Variants in GNPAT observed in about 807,000 individuals in gnomAD.
GNPAT encodes glyceronephosphate O-acyltransferase, also known as dihydroxyacetone phosphate acyltransferase.
GNPAT carries 30 observed loss-of-function variants against 78.4 expected under a neutral mutation model. The observed-to-expected ratio is 0.38, with a 90% CI of 0.29 to 0.52. The LOEUF (loss-of-function observed/expected upper bound fraction) is 0.52. GNPAT is among the 20% of genes least tolerant of loss of function. The pLI is 0.84. For synonymous variants in GNPAT, 271 were observed against 281.1 expected (o/e 0.96, Z 0.36); for missense variants, 714 against 812.2 (o/e 0.88, Z 1.47).
intron 15 of GNPAT, 111 bp from the exon 16 acceptor site, chr1:231,277,388 G>A: frequency 1.3e-6 from 1 of 773,564 alleles, no homozygotes; most frequent in Non-Finnish European, 2.4e-6. Context: ...AGCCTGTGAA[G>A]CTCTGCACAA....
chr1:231,267,095 G>A (rs1685409685), intron 8 of GNPAT, among the ~76,000 whole-genome samples: 1 of 152,152 alleles, frequency 6.6e-6, no homozygotes, highest in African/African-American at 2.4e-5. Flanking sequence ...GGTTTGGCTG[G>A]CTATTACCTA....
intron 1 of GNPAT, among the ~76,000 whole-genome samples, chr1:231,248,927 G>A (rs1684820441): frequency 6.6e-6 from 1 of 152,156 alleles, no homozygotes; most frequent in East Asian, 1.9e-4. Flanking sequence ...CTGAGTTTGT[G>A]TAAACACACT....
In GNPAT at chr1:231,266,340, G is replaced by T. The variant is rs201563848; in HGVS notation, c.988G>T (p.Asp330Tyr). 103 of 1,613,872 alleles carry T rather than the reference G, an allele frequency of 6.4e-5. No individual in the cohort carries two copies. Among genetic ancestry groups the T allele is most frequent in the Non-Finnish European group, 7.8e-5 (92 of 1,179,856 alleles). The change falls in exon 8 of 16, where the codon GAT becomes TAT. Residue 330 changes from aspartate to tyrosine, a missense_variant. By Grantham distance (160) the Asp-to-Tyr change is radical. Coordinates refer to ENST00000366647, the MANE Select transcript of GNPAT (RefSeq NM_014236.4). The part of the protein sequence containing the change: ...NFGSIHVYFG[D>Y]PVSLRSLAAG... ...TGGAAGCATCCATGTGTACTTTGGA[G>T]ATCCTGTGTCACTTCGATCTTTGGC...
chr1:231,266,231 AT>A, intron 7 of GNPAT, 45 bp from the exon 8 acceptor site: 1 of 1,613,810 alleles, frequency 6.2e-7, no homozygotes, highest in Non-Finnish European at 8.5e-7. Context: ...TAATTTCTAA[AT>A]TTACTGCTTT....
chr1:231,250,940 A>G, intron 1 of GNPAT, 21 bp from the exon 2 acceptor site: 1 of 1,523,896 alleles, frequency 6.6e-7, no homozygotes, highest in Non-Finnish European at 9.1e-7. Flanking sequence ...TGTGCTCATT[A>G]CTTTCTTGCC....
rs193011703 is a variant in GNPAT, at chr1:231,272,767, G to A, written c.1602+376G>A. The stretch of plus-strand genomic sequence containing the variant: ...AGGCGGATCACGAGGTCAAGAGATC[G>A]AGACCATCCTGGCCAACATGGTGAA... On this transcript the variant is annotated intron_variant, in intron 11 of 15. Transcript: ENST00000366647. Among the ~76,000 whole-genome samples the A allele has an allele frequency of 3.9e-3, 594 of 152,254 alleles. 6 individuals are homozygous for A. Among genetic ancestry groups the A allele is most frequent in the African/African-American group, 0.014 (583 of 41,546 alleles).
chr1:231,277,738 G>A lies in GNPAT; in HGVS notation c.*196G>A, dbSNP rs1028083655. On this transcript the variant is annotated 3_prime_UTR_variant, in exon 16 of 16. Coordinates refer to ENST00000366647, the MANE Select transcript of GNPAT (RefSeq NM_014236.4). The stretch of plus-strand genomic sequence containing the variant: ...TTCCCCACCACAGTGGTTAAAAGGC[G>A]TTTGTATCTGACACTATGTGTGTGT... 2.4e-5 allele frequency: 14 copies of A among 580,100 alleles called. No individual in the cohort carries two copies. The highest frequency in any genetic ancestry group is 8.2e-5 in the South Asian group (4 of 48,544). The allele number at this position is 580,100 out of a possible 1,614,324, so 35.9% of individuals were successfully genotyped here. A position where few individuals can be genotyped will look rare whatever the true frequency, so the allele number is the denominator to read the frequency against.
intron 1 of GNPAT, among the ~76,000 whole-genome samples, chr1:231,248,291 A>T (rs113331306): frequency 6.6e-6 from 1 of 152,220 alleles, no homozygotes; most frequent in Non-Finnish European, 1.5e-5. Flanking sequence ...AGAAAATCAT[A>T]AGAGAAAATA....
At position 231,258,622 on chromosome 1, in the gene GNPAT, A is replaced by ATTTTTTTT. The variant is rs748666053; in HGVS notation, c.262-1865_262-1858dup. On this transcript the variant is annotated intron_variant, in intron 2 of 15. Coordinates refer to ENST00000366647, the MANE Select transcript of GNPAT (RefSeq NM_014236.4). ...TTTATGTTATGTGTATTTTAATGCA[A>ATTTTTTTT]TTTTTTTTTTTTTTTTTTTTTTTTT... Among the ~76,000 whole-genome samples the ATTTTTTTT allele has an allele frequency of 2.2e-4, 16 of 73,764 alleles. 1 individual carries two copies. The highest frequency in any genetic ancestry group is 4.2e-4 in the African/African-American group (7 of 16,854). 48.4% of individuals were successfully genotyped at this position (73,764 alleles called of 152,430 possible). A position where few individuals can be genotyped will look rare whatever the true frequency, so the allele number is the denominator to read the frequency against.
chr1:231,273,905 T>C lies in GNPAT; in HGVS notation c.1603-17T>C, dbSNP rs756968737. On this transcript the variant is annotated splice_polypyrimidine_tract_variant and intron_variant, in intron 11 of 15. Transcript: ENST00000366647. ...CATTAACCTAGATGAACATTATGGCTTCCTCTTCCCTTCTAGGACTTTGAA... is the reference window on the plus strand; with the variant it reads ...CATTAACCTAGATGAACATTATGGCCTCCTCTTCCCTTCTAGGACTTTGAA... 7 of 1,609,430 alleles carry C rather than the reference T, an allele frequency of 4.3e-6. No homozygotes were observed. The highest frequency in any genetic ancestry group is 6.0e-6 in the Non-Finnish European group (7 of 1,176,122).
At chr1:231,273,627 T>G (rs1363373515) in intron 11 of GNPAT, among the ~76,000 whole-genome samples, 1 of 152,052 alleles carries the variant, frequency 6.6e-6, no homozygotes, top group East Asian at 1.9e-4. Context: ...AATTAAGGAG[T>G]GGTTCTGCAA....
rs148306438 is a variant in GNPAT at position 231,241,681 on chromosome 1, C to T, written c.78+225C>T. Reference sequence around the variant, plus strand: ...TCTACGGATTATGGTTCCTTTGGTTCCTTTCCACTTTTTCCTTCTCTTTCT... The same window carrying T: ...TCTACGGATTATGGTTCCTTTGGTTTCTTTCCACTTTTTCCTTCTCTTTCT... On this transcript the variant is annotated intron_variant, in intron 1 of 15. Coordinates refer to ENST00000366647, the MANE Select transcript of GNPAT (RefSeq NM_014236.4). Among the ~76,000 whole-genome samples, 1,253 of 152,326 alleles carry T rather than the reference C, an allele frequency of 8.2e-3. 12 individuals carry two copies. Among genetic ancestry groups the T allele is most frequent in the Non-Finnish European group, 0.012 (785 of 68,028 alleles).
chr1:231,245,390 C>T (rs1684718658), intron 1 of GNPAT, among the ~76,000 whole-genome samples: 1 of 151,958 alleles, frequency 6.6e-6, no homozygotes, highest in Non-Finnish European at 1.5e-5. Context: ...ACTGTAGGCG[C>T]ATACCACCAC....
At chr1:231,246,506 A>G (rs1409868961) in intron 1 of GNPAT, among the ~76,000 whole-genome samples, 1 of 152,198 alleles carries the variant, frequency 6.6e-6, no homozygotes, top group African/African-American at 2.4e-5. Context: ...AGGGAGGTAT[A>G]AGAAAGGCCT....
At chr1:231,247,544 A>G (rs1020804525) in intron 1 of GNPAT, among the ~76,000 whole-genome samples, 1 of 152,180 alleles carries the variant, frequency 6.6e-6, no homozygotes, top group East Asian at 1.9e-4. Context: ...AGGTAAACAC[A>G]AGCTCTGGTT....
chr1:231,250,725 A>G (rs904693271), intron 1 of GNPAT, among the ~76,000 whole-genome samples: 1 of 152,226 alleles, frequency 6.6e-6, no homozygotes, highest in African/African-American at 2.4e-5. Context: ...GATACTGACA[A>G]TGATAGCAAT....
intron 4 of GNPAT, among the ~76,000 whole-genome samples, chr1:231,263,750 A>G (rs1040317744): frequency 6.6e-6 from 1 of 152,048 alleles, no homozygotes; most frequent in Non-Finnish European, 1.5e-5. Context: ...ATCCTTGCCA[A>G]CACCTGTTAT....
chr1:231,252,680 T>A (rs1054317678), intron 2 of GNPAT, among the ~76,000 whole-genome samples: 9 of 151,902 alleles, frequency 5.9e-5, no homozygotes, highest in African/African-American at 2.2e-4. Context: ...CTTAAGAAAC[T>A]CCTCTAAGGA....
chr1:231,244,482 T>C (rs1684696087), intron 1 of GNPAT, among the ~76,000 whole-genome samples: 1 of 152,182 alleles, frequency 6.6e-6, no homozygotes, highest in African/African-American at 2.4e-5. Flanking sequence ...AGTTCACTGT[T>C]GGGTTTCTAT....
Sources: gnomAD v4.1 joint callset for allele counts (sites outside exome capture counted in the v4.1 genomes callset) on GRCh38, gnomAD v4.1.1 for gene constraint, MANE v1.5 for transcripts, NCBI Gene and HGNC (gene_info 2026-07-23, HGNC 2026-07-21) for gene names.